LIMS1: variants seen among roughly 807,000 people sequenced by gnomAD.
LIMS1 encodes LIM and senescent cell antigen-like-containing domain protein 1.
LIMS1 carries 18 observed loss-of-function variants against 44.1 expected under a neutral mutation model. The ratio of observed to expected loss-of-function variants is 0.41; its 90% CI spans 0.28 to 0.61. LIMS1 has a LOEUF of 0.61. Ranked by LOEUF, LIMS1 falls within the 20% of genes least tolerant of loss-of-function variation. The pLI, the probability that LIMS1 is intolerant of heterozygous loss-of-function variation, is 0.32. For missense variants in LIMS1, 201 were observed against 422.0 expected (o/e 0.48, Z 4.59); for synonymous variants, 93 against 149.1 (o/e 0.62, Z 2.74).
At chr2:108,631,864 A>G (rs1007065297) in intron 1 of LIMS1, among the ~76,000 whole-genome samples, 7 of 152,198 alleles carry the variant, frequency 4.6e-5, no homozygotes, top group Non-Finnish European at 8.8e-5. Context: ...TCAGTAAATC[A>G]CCCAATACCA....
rs193173813 is a variant in LIMS1 at position 108,678,364 on chromosome 2, C to G, written c.823+337C>G. Reference sequence around the variant, plus strand: ...TATTAGGAACAGTTTAATCTGCTATCGTAGTTAGGAAGAGGCACTTTAACC... The same window carrying G: ...TATTAGGAACAGTTTAATCTGCTATGGTAGTTAGGAAGAGGCACTTTAACC... On this transcript the variant is annotated intron_variant, in intron 8 of 9. Transcript: ENST00000544547. 7.8e-6 allele frequency: 3 copies of G among 382,576 alleles called. No homozygotes were observed. In the South Asian group the frequency reaches 9.0e-5, roughly 11 times the overall value. 23.7% of individuals were successfully genotyped at this position (382,576 alleles called of 1,614,324 possible). A position where few individuals can be genotyped will look rare whatever the true frequency, so the allele number is the denominator to read the frequency against.
At chr2:108,628,744 C>T (rs1573491086) in intron 1 of LIMS1, among the ~76,000 whole-genome samples, 2 of 152,156 alleles carry the variant, frequency 1.3e-5, no homozygotes, top group African/African-American at 4.8e-5. Flanking sequence ...GGATTACAGG[C>T]GTGAGCCACC....
Position 108,607,079 on chromosome 2 carries a change from C to A in LIMS1, c.33-52526C>A, listed in dbSNP as rs796919121. On this transcript the variant is annotated intron_variant, in intron 1 of 9. Transcript: ENST00000544547. ...GGAGCCTTTGGAGAGATGATTAGGT[C>A]ACGAGAACAGAGCTTTCATGAATGA... The A allele has an allele frequency of 4.5e-5, 31 of 687,648 alleles. 1 individual carries two copies. Among genetic ancestry groups the A allele is most frequent in the African/African-American group, 4.5e-4 (25 of 55,944 alleles). The allele number at this position is 687,648 out of a possible 1,614,324, so 42.6% of individuals were successfully genotyped here.
chr2:108,667,217 C>T (rs1366363471), intron 2 of LIMS1, among the ~76,000 whole-genome samples: 1 of 152,102 alleles, frequency 6.6e-6, no homozygotes, highest in Non-Finnish European at 1.5e-5. Context: ...TTTTAAGATT[C>T]CAAGGATTTT....
At chr2:108,588,347 A>G (rs1185217536) in intron 1 of LIMS1, 17 of 985,162 alleles carry the variant, frequency 1.7e-5, no homozygotes, top group Non-Finnish European at 1.9e-5. Context: ...AAGATGAGGA[A>G]GTTCTGTACA....
chr2:108,619,017 C>T (rs936806990), intron 1 of LIMS1, among the ~76,000 whole-genome samples: 5 of 152,064 alleles, frequency 3.3e-5, no homozygotes, highest in Middle Eastern at 3.4e-3. Context: ...GGCTTGGTAA[C>T]TGTCCCTGTT....
intron 5 of LIMS1, among the ~76,000 whole-genome samples, chr2:108,675,502 TCA>T (rs1692478676): frequency 6.6e-6 from 1 of 152,144 alleles, no homozygotes; most frequent in Non-Finnish European, 1.5e-5. Context: ...GGGGACACAG[TCA>T]CACCATAGCA....
chr2:108,633,693 T>C (rs1287433640), intron 1 of LIMS1, among the ~76,000 whole-genome samples: 1 of 152,250 alleles, frequency 6.6e-6, no homozygotes, highest in Non-Finnish European at 1.5e-5. Context: ...AAGACTTGGT[T>C]GGCCCAGAGT....
rs1182811597 is a variant in LIMS1 at position 108,625,586 on chromosome 2, C to CG, written c.33-34019_33-34018insG. Among the ~76,000 whole-genome samples, 117 of 151,786 alleles carry CG rather than the reference C, an allele frequency of 7.7e-4. 1 individual carries two copies. Among genetic ancestry groups the CG allele is most frequent in the African/African-American group, 2.7e-3 (110 of 41,358 alleles). On this transcript the variant is annotated intron_variant, in intron 1 of 9. Transcript: ENST00000544547. ...TTGAAAAGAATATGAATCCCCCCCC[C>CG]CAAAAAAATGCAGTTTGAAATTTGT... is the stretch of plus-strand genomic sequence containing the variant.
At chr2:108,598,872 AT>A (rs1376932473) in intron 1 of LIMS1, among the ~76,000 whole-genome samples, 1 of 151,922 alleles carries the variant, frequency 6.6e-6, no homozygotes, top group East Asian at 1.9e-4. Flanking sequence ...TAGTAATGAT[AT>A]TTTGTTTAAG....
At chr2:108,626,711 C>T (rs1308143535) in intron 1 of LIMS1, among the ~76,000 whole-genome samples, 8 of 152,192 alleles carry the variant, frequency 5.3e-5, no homozygotes, top group Non-Finnish European at 1.2e-4. Flanking sequence ...TTACACTCTA[C>T]TTTTTAAGTC....
intron 1 of LIMS1, among the ~76,000 whole-genome samples, chr2:108,626,924 C>T (rs1393691459): frequency 6.6e-6 from 1 of 152,192 alleles, no homozygotes; most frequent in Non-Finnish European, 1.5e-5. Context: ...ACGTTTCAGT[C>T]AACGAGAGAC....
intron 1 of LIMS1, among the ~76,000 whole-genome samples, chr2:108,587,925 ATGTAG>A (rs148370229): frequency 0.02 from 3,053 of 152,274 alleles, 60 homozygotes; most frequent in African/African-American, 0.047. Context: ...CCACCGGAAG[ATGTAG>A]TGTAGAGTAG....
At chr2:108,605,438 A>G (rs944263407) in intron 1 of LIMS1, among the ~76,000 whole-genome samples, 2 of 152,230 alleles carry the variant, frequency 1.3e-5, no homozygotes, top group Non-Finnish European at 2.9e-5. Flanking sequence ...AGAAACCTAC[A>G]TGTGTCAAGC....
At chr2:108,607,349 A>C (rs1341494948) in intron 1 of LIMS1, 25 of 1,189,858 alleles carry the variant, frequency 2.1e-5, no homozygotes, top group Non-Finnish European at 2.8e-5. Context: ...TATCTTCATC[A>C]CATAAATAGT....
chr2:108,549,951 TA>T (rs1350472226), intron 1 of LIMS1, among the ~76,000 whole-genome samples: 1 of 152,184 alleles, frequency 6.6e-6, no homozygotes, highest in East Asian at 1.9e-4. Context: ...TAGATTTTGG[TA>T]GCATTATTTA....
chr2:108,579,078 T>C (rs749114233), intron 1 of LIMS1, among the ~76,000 whole-genome samples: 9 of 152,226 alleles, frequency 5.9e-5, no homozygotes, highest in Non-Finnish European at 1.2e-4. Context: ...GCCAAAGTGT[T>C]GTGTTTTCCA....
chr2:108,599,130 T>G (rs1389507830), intron 1 of LIMS1, among the ~76,000 whole-genome samples: 1 of 152,152 alleles, frequency 6.6e-6, no homozygotes, highest in Non-Finnish European at 1.5e-5. Context: ...GTCTTATTCA[T>G]TCTTTCTAAC....
intron 1 of LIMS1, among the ~76,000 whole-genome samples, chr2:108,581,261 G>A (rs1341832734): frequency 6.6e-6 from 1 of 152,176 alleles, no homozygotes; most frequent in South Asian, 2.1e-4. Flanking sequence ...GTTTATGTTA[G>A]AAGTAAAACT....
Sources: gnomAD v4.1 joint callset for allele counts (sites outside exome capture counted in the v4.1 genomes callset) on GRCh38, gnomAD v4.1.1 for gene constraint, MANE v1.5 for transcripts, NCBI Gene and HGNC (gene_info 2026-07-23, HGNC 2026-07-21) for gene names.